The following PDE4D variants were observed in gnomAD, a reference collection of about 807,000 sequenced individuals.
PDE4D encodes phosphodiesterase 4D, also known as 3',5'-cyclic-AMP phosphodiesterase 4D.
In PDE4D, 24 loss-of-function variants were observed where a neutral mutation model predicts 87.4. The ratio of observed to expected loss-of-function variants is 0.27; its 90% CI spans 0.20 to 0.39. PDE4D has a LOEUF of 0.39. Ranked by LOEUF, PDE4D falls within the 10% of genes least tolerant of loss-of-function variation. The probability of loss-of-function intolerance (pLI) is 1.00; values close to 1 mark genes in which losing one functional copy is unlikely to be tolerated. For synonymous variants in PDE4D, 384 were observed against 383.2 expected (o/e 1.00, Z -0.02); for missense variants, 714 against 1,041.0 (o/e 0.69, Z 4.32).
chr5:60,415,723 C>T (rs980911675), intron 1 of PDE4D, among the ~76,000 whole-genome samples: 7 of 152,250 alleles, frequency 4.6e-5, no homozygotes, highest in Non-Finnish European at 8.8e-5. Flanking sequence ...TCCTGTGCAG[C>T]CCGAGCCTCC....
Position 59,912,617 on chromosome 5 carries a change from G to A in PDE4D, c.272+75871C>T, listed in dbSNP as rs144874668. Among the ~76,000 whole-genome samples the A allele has an allele frequency of 5.1e-3, 782 of 152,132 alleles. 4 individuals are homozygous for A. The highest frequency in any genetic ancestry group is 0.018 in the African/African-American group (740 of 41,494). On this transcript the variant is annotated intron_variant, in intron 3 of 16. Transcript: ENST00000502484. ...GGCTGGTGGAAAGTCTGTATTTGTT[G>A]GGTTGTACATTCTTAGGCCCCCTCA... is the stretch of plus-strand genomic sequence containing the variant.
chr5:59,049,413 CTT>C (rs1354410556), intron 5 of PDE4D, among the ~76,000 whole-genome samples: 1 of 152,098 alleles, frequency 6.6e-6, no homozygotes, highest in African/African-American at 2.4e-5. Flanking sequence ...CTTTCAAACT[CTT>C]TCTCTTTTTT....
At chr5:59,389,375 A>T (rs1005070647) in intron 1 of PDE4D, among the ~76,000 whole-genome samples, 63 of 151,714 alleles carry the variant, frequency 4.2e-4, no homozygotes, top group African/African-American at 1.4e-3. Flanking sequence ...AAATATCATT[A>T]ATTATATAAA....
At chr5:59,850,083 A>G (rs996638647) in intron 1 of PDE4D, among the ~76,000 whole-genome samples, 3 of 152,026 alleles carry the variant, frequency 2.0e-5, no homozygotes, top group Admixed American at 6.6e-5. Flanking sequence ...AGTTTGACAT[A>G]TCCAAACTTC....
At chr5:59,780,185 G>A (rs1358776870) in intron 1 of PDE4D, among the ~76,000 whole-genome samples, 9 of 152,176 alleles carry the variant, frequency 5.9e-5, no homozygotes, top group African/African-American at 1.9e-4. Flanking sequence ...CCAACATGGC[G>A]AAACCCCGTC....
intron 1 of PDE4D, among the ~76,000 whole-genome samples, chr5:59,873,806 TC>T (rs1178691343): frequency 6.6e-6 from 1 of 152,200 alleles, no homozygotes; most frequent in Non-Finnish European, 1.5e-5. Flanking sequence ...TGCCAATACT[TC>T]CATTCTAACC....
chr5:59,251,271 A>G (rs1759889888), intron 1 of PDE4D, among the ~76,000 whole-genome samples: 1 of 152,168 alleles, frequency 6.6e-6, no homozygotes, highest in Admixed American at 6.6e-5. Context: ...ATATTTGCAA[A>G]CTATATATCT....
chr5:59,508,492 A>G (rs1333020025), intron 1 of PDE4D, among the ~76,000 whole-genome samples: 1 of 152,150 alleles, frequency 6.6e-6, no homozygotes, highest in African/African-American at 2.4e-5. Flanking sequence ...CACTTTCAAC[A>G]CAGATAATTT....
chr5:60,030,436 G>A lies in PDE4D; in HGVS notation c.43-41719C>T, dbSNP rs560541444. On this transcript the variant is annotated intron_variant, in intron 2 of 16. Transcript: ENST00000502484. ...CTGCAGTCCGCAGTCCGGCCTGGGC[G>A]ACAGAGCGAGACTCCGTCTCAAAAA... Among the ~76,000 whole-genome samples the A allele has an allele frequency of 2.0e-3, 311 of 152,238 alleles. 1 individual carries two copies. Among genetic ancestry groups the A allele is most frequent in the African/African-American group, 7.3e-3 (304 of 41,544 alleles).
At chr5:59,964,977 A>G (rs1759868349) in intron 3 of PDE4D, among the ~76,000 whole-genome samples, 1 of 152,084 alleles carries the variant, frequency 6.6e-6, no homozygotes, top group South Asian at 2.1e-4. Flanking sequence ...AGGCCTTTGC[A>G]CATACTAAGA....
intron 6 of PDE4D, among the ~76,000 whole-genome samples, chr5:59,022,418 A>C (rs748789718): frequency 6.6e-6 from 1 of 152,086 alleles, no homozygotes; most frequent in African/African-American, 2.4e-5. Context: ...CCCTATTCAG[A>C]AGTGAAACTT....
At chr5:60,151,505 T>G (rs1414494256) in intron 2 of PDE4D, among the ~76,000 whole-genome samples, 2 of 152,220 alleles carry the variant, frequency 1.3e-5, no homozygotes, top group Non-Finnish European at 2.9e-5. Context: ...TTATATTTTT[T>G]GATGTTATTG....
intron 1 of PDE4D, among the ~76,000 whole-genome samples, chr5:59,779,185 C>A (rs1444191494): frequency 2.0e-5 from 3 of 151,916 alleles, no homozygotes; most frequent in Non-Finnish European, 2.9e-5. Flanking sequence ...AGAAAGAAAT[C>A]CTTTGGCTAG....
chr5:59,069,874 G>A (rs989216070), intron 5 of PDE4D, among the ~76,000 whole-genome samples: 1 of 152,016 alleles, frequency 6.6e-6, no homozygotes, highest in Non-Finnish European at 1.5e-5. Flanking sequence ...GCAGAGGGGT[G>A]CAAAAGAAAA....
intron 1 of PDE4D, chr5:59,797,117 A>C (rs2152658417): frequency 6.8e-6 from 1 of 147,718 alleles, no homozygotes; most frequent in South Asian, 2.2e-4. Flanking sequence ...TCGCAGATGG[A>C]GGAGAGACAT....
intron 2 of PDE4D, among the ~76,000 whole-genome samples, chr5:59,997,927 C>G (rs1417458316): frequency 6.6e-6 from 1 of 152,220 alleles, no homozygotes; most frequent in Non-Finnish European, 1.5e-5. Context: ...CATAGTGACA[C>G]TATCAACTGT....
chr5:59,592,657 G>T (rs1442202582), intron 1 of PDE4D, among the ~76,000 whole-genome samples: 2 of 151,928 alleles, frequency 1.3e-5, no homozygotes, highest in Non-Finnish European at 2.9e-5. Context: ...GGAATATTTA[G>T]AATGCTTGTT....
chr5:59,338,513 C>T (rs1778135751), intron 1 of PDE4D, among the ~76,000 whole-genome samples: 1 of 152,194 alleles, frequency 6.6e-6, no homozygotes, highest in African/African-American at 2.4e-5. Context: ...AGCAGGTTGT[C>T]TAAAGAGTGT....
chr5:59,510,550 G>C (rs1810113856), intron 1 of PDE4D, among the ~76,000 whole-genome samples: 2 of 151,702 alleles, frequency 1.3e-5, no homozygotes, highest in Non-Finnish European at 3.0e-5. Context: ...GTTCCAGATA[G>C]GTAGGTAGGT....
Sources: allele counts gnomAD v4.1 joint callset (sites outside exome capture counted in the v4.1 genomes callset), GRCh38; gene constraint gnomAD v4.1.1; transcripts MANE v1.5; gene names NCBI Gene and HGNC (gene_info 2026-07-23, HGNC 2026-07-21).